Variants in PRSS36 observed in about 807,000 individuals in gnomAD.
PRSS36 encodes the protein serine protease 36.
In PRSS36, 90 loss-of-function variants were observed where a neutral mutation model predicts 94.3. That is an observed-to-expected ratio of 0.95 (90% CI 0.80 to 1.14). The LOEUF (loss-of-function observed/expected upper bound fraction) is 1.14, where lower values mean the gene tolerates loss of function less well. Among genes scored for constraint, PRSS36 ranks in the 50% most tolerant of loss-of-function variants. The pLI is 0.00. For missense variants in PRSS36, 1,158 were observed against 1,135.0 expected (o/e 1.02, Z -0.29); for synonymous variants, 500 against 489.6 (o/e 1.02, Z -0.28).
In PRSS36 at chr16:31,143,750, T is replaced by G; in HGVS notation, c.808A>C (p.Arg270=). The G allele has an allele frequency of 6.2e-7, 1 of 1,614,106 alleles. No individual in the cohort carries two copies. The highest frequency in any genetic ancestry group is 8.5e-7 in the Non-Finnish European group (1 of 1,180,024). ...GCAGTGAAAACTCCAGGGCGGTTTC[T>G]CCGTCCACAGCCAAAGCCAAAGCTG... The part of the protein sequence containing the change: ...ITSFGFGCGR[R]NRPGVFTAVA... Residue 270 remains arginine, a synonymous_variant, in exon 7 of 15, where the codon AGA becomes CGA. Coordinates refer to ENST00000268281, the MANE Select transcript of PRSS36 (RefSeq NM_173502.5).
chr16:31,148,083 TCTGACATGTTAGAG>T (rs2057824389), intron 5 of PRSS36, among the ~76,000 whole-genome samples: 1 of 152,100 alleles, frequency 6.6e-6, no homozygotes, highest in South Asian at 2.1e-4. Context: ...AAGTGCTTTG[TCTGACATGTTAGAG>T]CTGGGATGGG....
Position 31,148,660 on chromosome 16 carries a change from C to T in PRSS36, c.288G>A (p.Glu96=), listed in dbSNP as rs766096729. 2.5e-6 allele frequency: 4 copies of T among 1,612,546 alleles called. No homozygotes were observed. Among genetic ancestry groups the T allele is most frequent in the Non-Finnish European group, 2.5e-6 (3 of 1,179,724 alleles). Residue 96 remains glutamate, a synonymous_variant, in exon 5 of 15, where the codon GAG becomes GAA. Coordinates refer to ENST00000268281, the MANE Select transcript of PRSS36 (RefSeq NM_173502.5). ...GCAGTACCGACCACTCGGCCGCGGGCTCCAGCGTCCCATTCCTGCGCTCGA... is the reference window on the plus strand; with the variant it reads ...GCAGTACCGACCACTCGGCCGCGGGTTCCAGCGTCCCATTCCTGCGCTCGA... The part of the protein sequence containing the change: ...AHCFMTNGTL[E]PAAEWSVLLG...
In PRSS36 at chr16:31,142,981, G is replaced by A; in HGVS notation, c.1113C>T (p.Ser371=). ...PASCFLDPNS[S]DSPPRDLDAW... is the part of the protein sequence containing the mutation. ...CGTCGAGGTCGCGGGGTGGGCTGTCGGAGCTGTTCGGGCTGCGGGATGGGG... is the reference window on the plus strand; with the variant it reads ...CGTCGAGGTCGCGGGGTGGGCTGTCAGAGCTGTTCGGGCTGCGGGATGGGG... Residue 371 remains serine, a synonymous_variant, in exon 9 of 15, where the codon TCC becomes TCT. Coordinates refer to ENST00000268281, the MANE Select transcript of PRSS36 (RefSeq NM_173502.5). 1 of 1,399,584 alleles carries A rather than the reference G, an allele frequency of 7.1e-7. No homozygotes were observed. The highest frequency in any genetic ancestry group is 9.2e-7 in the Non-Finnish European group (1 of 1,081,608). The allele number at this position is 1,399,584 out of a possible 1,614,324, so 86.7% of individuals were successfully genotyped here. A position where few individuals can be genotyped will look rare whatever the true frequency, so the allele number is the denominator to read the frequency against.
chr16:31,142,066 C>G, intron 10 of PRSS36, 106 bp from the exon 11 acceptor site: 1 of 921,194 alleles, frequency 1.1e-6, no homozygotes, highest in South Asian at 1.5e-5. Context: ...GCGGAAGTAT[C>G]AAGTTCCACC....
intron 5 of PRSS36, among the ~76,000 whole-genome samples, chr16:31,147,875 C>T (rs1186324141): frequency 6.6e-6 from 1 of 152,096 alleles, no homozygotes; most frequent in Non-Finnish European, 1.5e-5. Flanking sequence ...TGCTGAATAT[C>T]TATTATAGGC....
intron 1 of PRSS36, 129 bp downstream of exon 1, chr16:31,149,870 G>T: frequency 6.6e-7 from 1 of 1,509,548 alleles, no homozygotes; most frequent in South Asian, 1.1e-5. Context: ...ATACATCCTC[G>T]CCTTCTGCTG....
At position 31,139,277 on chromosome 16, in the gene PRSS36, G is replaced by A. The variant is rs1464234461; in HGVS notation, c.2429C>T (p.Ala810Val). Residue 810 changes from alanine to valine, a missense_variant, in exon 15 of 15, where the codon GCC becomes GTC. Coordinates refer to ENST00000268281, the MANE Select transcript of PRSS36 (RefSeq NM_173502.5). Reference protein sequence around the residue: ...EAWISQTVGEANFLPPSGSPH... With the variant: ...EAWISQTVGEVNFLPPSGSPH... ...GGAGCCACTGGGGGGCAGGAAGTTG[G>A]CCTCTCCCACTGTCTGGGAGATCCA... 1 of 1,614,030 alleles carries A rather than the reference G, an allele frequency of 6.2e-7. No homozygotes were observed. Among genetic ancestry groups the A allele is most frequent in the Non-Finnish European group, 8.5e-7 (1 of 1,180,010 alleles).
In PRSS36 at chr16:31,139,015, A is replaced by G; in HGVS notation, c.*123T>C. 1 of 1,195,300 alleles carries G rather than the reference A, an allele frequency of 8.4e-7. No homozygotes were observed. Among genetic ancestry groups the G allele is most frequent in the East Asian group, 2.4e-5 (1 of 40,970 alleles). 74.0% of individuals were successfully genotyped at this position (1,195,300 alleles called of 1,614,324 possible). On this transcript the variant is annotated 3_prime_UTR_variant, in exon 15 of 15. Transcript: ENST00000268281. ...CCCGGGCACTGAGGCCCAATTAGCCAGAGCCGCTGCAATCTCGGTGGGTGG... is the reference window on the plus strand; with the variant it reads ...CCCGGGCACTGAGGCCCAATTAGCCGGAGCCGCTGCAATCTCGGTGGGTGG...
intron 2 of PRSS36, 77 bp downstream of exon 2, chr16:31,149,618 AC>A: frequency 1.2e-6 from 2 of 1,608,344 alleles, no homozygotes; most frequent in Non-Finnish European, 1.7e-6. Context: ...CCGTTCAGCA[AC>A]CCCTGCCAGC....
rs755776611 is a variant in PRSS36 at position 31,141,549 on chromosome 16, C to T, written c.1821G>A (p.Val607=). 5 of 1,613,358 alleles carry T rather than the reference C, an allele frequency of 3.1e-6. No homozygotes were observed. The South Asian group carries it at 4.4e-5, about 14-fold the overall frequency. ...VGVLWPWLAE[V]HVAGDRVCTG... is the part of the protein sequence containing the mutation. ...TGCAGACTCGATCACCAGCCACATGCACCTCTGCCAGCCAGGGCCACAGGA... is the reference window on the plus strand; with the variant it reads ...TGCAGACTCGATCACCAGCCACATGTACCTCTGCCAGCCAGGGCCACAGGA... The change falls in exon 12 of 15, where the codon GTG becomes GTA. Residue 607 remains valine (V), a synonymous_variant. Coordinates refer to ENST00000268281, the MANE Select transcript of PRSS36 (RefSeq NM_173502.5).
At chr16:31,149,789 C>T (rs1327920772) in intron 1 of PRSS36, 58 bp from the exon 2 acceptor site, 1 of 1,610,818 alleles carries the variant, frequency 6.2e-7, no homozygotes, top group Non-Finnish European at 8.5e-7. Flanking sequence ...TATGTGCCCT[C>T]CCTGACTCCC....
In PRSS36 at chr16:31,141,520, C is replaced by T; in HGVS notation, c.1850G>A (p.Gly617Glu). ...VHVAGDRVCT[G>E]ILLAPGWVLA... Reference sequence around the variant, plus strand: ...GACCCAGCCTGGGGCCAGGAGGATCCCAGTGCAGACTCGATCACCAGCCAC... The same window carrying T: ...GACCCAGCCTGGGGCCAGGAGGATCTCAGTGCAGACTCGATCACCAGCCAC... The change falls in exon 12 of 15, where the codon GGG (glycine) becomes GAG (glutamate). Residue 617 changes from glycine to glutamate, a missense_variant. By Grantham distance (98) the Gly-to-Glu change is moderately conservative (BLOSUM62 -2). Coordinates refer to ENST00000268281, the MANE Select transcript of PRSS36 (RefSeq NM_173502.5). 6.2e-7 allele frequency: 1 copy of T among 1,613,118 alleles called. No individual in the cohort carries two copies. Among genetic ancestry groups the T allele is most frequent in the Non-Finnish European group, 8.5e-7 (1 of 1,179,992 alleles).
chr16:31,148,937 A>G (rs1378500907), intron 4 of PRSS36, 136 bp downstream of exon 4: 4 of 1,101,388 alleles, frequency 3.6e-6, no homozygotes, highest in Non-Finnish European at 5.1e-6. Context: ...TGATGCCTCG[A>G]ATAGCACCTC....
At chr16:31,143,521 C>A in intron 7 of PRSS36, 50 bp from the exon 8 acceptor site, 1 of 1,607,250 alleles carries the variant, frequency 6.2e-7, no homozygotes. Context: ...CCCAATCACT[C>A]CCAGCAGTCT....
chr16:31,148,532 T>G lies in PRSS36; in HGVS notation c.416A>C (p.Asp139Ala). 6.3e-7 allele frequency: 1 copy of G among 1,597,194 alleles called. No homozygotes were observed. The highest frequency in any genetic ancestry group is 8.5e-7 in the Non-Finnish European group (1 of 1,175,114). The part of the protein sequence containing the change: ...ANYSQVELGA[D>A]LALLRLASPA... ...TGAGGCCAGGCGCAGCAGGGCCAGGTCGGCGCCCAGCTCCACTTGGCTGTA... is the reference window on the plus strand; with the variant it reads ...TGAGGCCAGGCGCAGCAGGGCCAGGGCGGCGCCCAGCTCCACTTGGCTGTA... Residue 139 changes from aspartate (D) to alanine (A), a missense_variant, in exon 5 of 15, where the codon GAC becomes GCC. Transcript: ENST00000268281.
At position 31,142,980 on chromosome 16, in the gene PRSS36, C is replaced by G; in HGVS notation, c.1114G>C (p.Asp372His). Residue 372 changes from aspartate (D) to histidine (H), a missense_variant, in exon 9 of 15, where the codon GAC becomes CAC. Asp to His is a moderately conservative substitution (Grantham distance 81, BLOSUM62 -1). Transcript: ENST00000268281. ...GCGTCGAGGTCGCGGGGTGGGCTGTCGGAGCTGTTCGGGCTGCGGGATGGG... is the reference window on the plus strand; with the variant it reads ...GCGTCGAGGTCGCGGGGTGGGCTGTGGGAGCTGTTCGGGCTGCGGGATGGG... Reference protein sequence around the residue: ...ASCFLDPNSSDSPPRDLDAWR... With the variant: ...ASCFLDPNSSHSPPRDLDAWR... The G allele has an allele frequency of 7.1e-7, 1 of 1,400,160 alleles. No individual in the cohort carries two copies. The highest frequency in any genetic ancestry group is 1.5e-5 in the African/African-American group (1 of 66,352). 86.7% of individuals were successfully genotyped at this position (1,400,160 alleles called of 1,614,324 possible).
rs1409916295 is a variant in PRSS36 at position 31,149,209 on chromosome 16, G to A, written c.136C>T (p.Arg46Cys). The change falls in exon 4 of 15, where the codon CGC becomes TGC. Residue 46 changes from arginine to cysteine, a missense_variant. By Grantham distance (180) the Arg-to-Cys change is radical (BLOSUM62 -3). Transcript: ENST00000268281. ...LDCGRPEPSA[R>C]IVGGSNAQPG... ...TGCGCGTTTGAGCCCCCCACGATGC[G>A]GGCCGAGGGCTCAGGGCGCCCGCAG... 2.7e-5 allele frequency: 43 copies of A among 1,563,772 alleles called. No homozygotes were observed. Among genetic ancestry groups the A allele is most frequent in the South Asian group, 4.7e-5 (4 of 85,226 alleles).
chr16:31,147,244 G>A (rs1317558444), intron 5 of PRSS36, among the ~76,000 whole-genome samples: 1 of 152,100 alleles, frequency 6.6e-6, no homozygotes, highest in Non-Finnish European at 1.5e-5. Context: ...TGGGTCCACA[G>A]GGTGGCCTTC....
At chr16:31,143,139 C>G (rs989146302) in intron 8 of PRSS36, 146 bp from the exon 9 acceptor site, 1 of 1,317,548 alleles carries the variant, frequency 7.6e-7, no homozygotes, top group African/African-American at 1.5e-5. Context: ...ACTCACACCC[C>G]CGCCTCCGGG....
Sources: gnomAD v4.1 joint callset for allele counts (sites outside exome capture counted in the v4.1 genomes callset) on GRCh38, gnomAD v4.1.1 for gene constraint, MANE v1.5 for transcripts, NCBI Gene and HGNC (gene_info 2026-07-23, HGNC 2026-07-21) for gene names.